ARHGAP32: variants seen among roughly 807,000 people sequenced by gnomAD.
ARHGAP32 encodes the protein Rho GTPase activating protein 32.
Under a neutral mutation model 186.5 loss-of-function variants are expected in ARHGAP32, and 51 were observed. The observed-to-expected ratio is 0.27, with a 90% CI of 0.22 to 0.35. The LOEUF (loss-of-function observed/expected upper bound fraction) is 0.35, where lower values mean the gene tolerates loss of function less well. Among genes scored for constraint, ARHGAP32 ranks in the 10% least tolerant of loss-of-function variants. The probability of loss-of-function intolerance (pLI) is 1.00; values close to 1 mark genes in which losing one functional copy is unlikely to be tolerated. For synonymous variants in ARHGAP32, 950 were observed against 964.3 expected (o/e 0.99, Z 0.27); for missense variants, 2,186 against 2,623.5 (o/e 0.83, Z 3.64).
upstream of ARHGAP32, chr11:129,192,346 G>C: frequency 4.7e-6 from 3 of 632,552 alleles, no homozygotes; most frequent in Non-Finnish European, 8.4e-6. Context: ...TTACAGTCAG[G>C]GTACAGACAG....
At chr11:129,172,752 C>A (rs1389528573) in intron 1 of ARHGAP32, among the ~76,000 whole-genome samples, 1 of 151,984 alleles carries the variant, frequency 6.6e-6, no homozygotes, top group East Asian at 1.9e-4. Context: ...CAAATGAGAA[C>A]AAATAGAGAC....
intron 11 of ARHGAP32, among the ~76,000 whole-genome samples, chr11:129,032,856 C>T (rs941611833): frequency 1.3e-4 from 20 of 152,162 alleles, no homozygotes; most frequent in African/African-American, 4.1e-4. Flanking sequence ...ATGACATTTC[C>T]GTATAATTCC....
At chr11:129,179,161 G>A (rs559703999) in intron 1 of ARHGAP32, among the ~76,000 whole-genome samples, 1 of 152,150 alleles carries the variant, frequency 6.6e-6, no homozygotes, top group African/African-American at 2.4e-5. Flanking sequence ...CTCAAAAGAA[G>A]ACATTTATGC....
intron 6 of ARHGAP32, among the ~76,000 whole-genome samples, chr11:129,086,013 C>CAA (rs1282762105): frequency 1.2e-4 from 15 of 122,046 alleles, no homozygotes; most frequent in South Asian, 2.4e-4. Context: ...AACAAACAAA[C>CAA]AAACAAAAAA....
At chr11:129,216,040 C>T (rs956361854) in intron 1 of ARHGAP32, among the ~76,000 whole-genome samples, 1 of 152,062 alleles carries the variant, frequency 6.6e-6, no homozygotes, top group African/African-American at 2.4e-5. Context: ...CAGCAGCTAC[C>T]AGAAACAAGA....
At position 128,986,647 on chromosome 11, in the gene ARHGAP32, G is replaced by A. The variant is rs747084899; in HGVS notation, c.1320C>T (p.His440=). 1.5e-5 allele frequency: 25 copies of A among 1,613,884 alleles called. No homozygotes were observed. Among genetic ancestry groups the A allele is most frequent in the Middle Eastern group, 1.6e-4 (1 of 6,076 alleles). The change falls in exon 14 of 23, where the codon CAC becomes CAT. Residue 440 remains histidine, a synonymous_variant. Transcript: ENST00000682385. ...ACGGTTCTTTCGTCAGGTCGGGGACGTGCTCAGAGTCAAATTCATGGCTGA... is the reference window on the plus strand; with the variant it reads ...ACGGTTCTTTCGTCAGGTCGGGGACATGCTCAGAGTCAAATTCATGGCTGA... ...QRLRHEFDSE[H]VPDLTKEPYV...
chr11:129,231,354 A>G (rs968872195), intron 1 of ARHGAP32, among the ~76,000 whole-genome samples: 1 of 152,152 alleles, frequency 6.6e-6, no homozygotes, highest in African/African-American at 2.4e-5. Flanking sequence ...ATACACTAAC[A>G]AGGAAGTTAG....
intron 2 of ARHGAP32, among the ~76,000 whole-genome samples, chr11:129,132,573 A>G (rs1942836574): frequency 1.3e-5 from 2 of 152,204 alleles, no homozygotes; most frequent in Admixed American, 6.5e-5. Flanking sequence ...TGAAACTTCA[A>G]TCTGAACCCA....
chr11:129,147,128 AT>A (rs1225571281), intron 2 of ARHGAP32, among the ~76,000 whole-genome samples: 1 of 151,986 alleles, frequency 6.6e-6, no homozygotes, highest in Non-Finnish European at 1.5e-5. Flanking sequence ...GTGATGCTTT[AT>A]TTTTTTAAAT....
At chr11:129,222,880 G>C (rs1944731317) in intron 1 of ARHGAP32, among the ~76,000 whole-genome samples, 1 of 152,096 alleles carries the variant, frequency 6.6e-6, no homozygotes, top group Admixed American at 6.5e-5. Context: ...TGTATTCTGG[G>C]GGTAGAAAAA....
At chr11:129,278,268 G>A (rs892414793) in intron 1 of ARHGAP32, among the ~76,000 whole-genome samples, 1 of 152,222 alleles carries the variant, frequency 6.6e-6, no homozygotes, top group Non-Finnish European at 1.5e-5. Flanking sequence ...AGTGCCCCAA[G>A]CATTTTAAAG....
At chr11:129,229,931 C>G (rs1008516115) in intron 1 of ARHGAP32, among the ~76,000 whole-genome samples, 3 of 152,054 alleles carry the variant, frequency 2.0e-5, no homozygotes, top group Non-Finnish European at 4.4e-5. Flanking sequence ...ATCTGCCCAC[C>G]TCAGTCTCCC....
At chr11:129,036,034 C>A (rs1380959753) in intron 11 of ARHGAP32, among the ~76,000 whole-genome samples, 1 of 152,018 alleles carries the variant, frequency 6.6e-6, no homozygotes, top group Non-Finnish European at 1.5e-5. Context: ...TTTCCCAATG[C>A]TAAATGGTTC....
At chr11:129,041,642 C>T (rs1939597469) in intron 10 of ARHGAP32, among the ~76,000 whole-genome samples, 1 of 152,186 alleles carries the variant, frequency 6.6e-6, no homozygotes, top group African/African-American at 2.4e-5. Flanking sequence ...GCAGTGTCAA[C>T]AGACTCTGGC....
At chr11:129,167,360 AC>A (rs201277478) in intron 1 of ARHGAP32, among the ~76,000 whole-genome samples, 19,559 of 152,060 alleles carry the variant, frequency 0.13, 1,371 homozygotes, top group Non-Finnish European at 0.15. Flanking sequence ...AAGCAATTCT[AC>A]TCCTGGTATT....
intron 1 of ARHGAP32, among the ~76,000 whole-genome samples, chr11:129,251,019 G>T (rs1945175367): frequency 1.3e-5 from 2 of 152,062 alleles, no homozygotes; most frequent in African/African-American, 2.4e-5. Context: ...CCTCAAATTT[G>T]GCTTAAATCA....
intron 6 of ARHGAP32, among the ~76,000 whole-genome samples, chr11:129,079,249 G>A (rs1466543058): frequency 1.3e-5 from 2 of 152,120 alleles, no homozygotes; most frequent in Non-Finnish European, 2.9e-5. Flanking sequence ...CCAAACATAA[G>A]CTCAAAGAAC....
chr11:129,012,519 C>G (rs1938131891), intron 11 of ARHGAP32, among the ~76,000 whole-genome samples: 1 of 152,132 alleles, frequency 6.6e-6, no homozygotes, highest in Non-Finnish European at 1.5e-5. Context: ...AAGTCAGAAG[C>G]AGGCAAAGCA....
At chr11:129,111,190 T>C (rs963267580) in intron 5 of ARHGAP32, among the ~76,000 whole-genome samples, 1 of 152,352 alleles carries the variant, frequency 6.6e-6, no homozygotes, top group South Asian at 2.1e-4. Context: ...ACGATGGTTT[T>C]TGTCTTTCAG....
Sources: allele counts gnomAD v4.1 joint callset (sites outside exome capture counted in the v4.1 genomes callset), GRCh38; gene constraint gnomAD v4.1.1; transcripts MANE v1.5; gene names NCBI Gene and HGNC (gene_info 2026-07-23, HGNC 2026-07-21).